Variants in RBFOX3 observed in about 807,000 individuals in gnomAD.
The protein encoded by RBFOX3 is RNA binding protein fox-1 homolog 3.
A neutral mutation model predicts 48.7 loss-of-function variants in RBFOX3; 17 were observed. That is an observed-to-expected ratio of 0.35 (90% CI 0.24 to 0.52). The LOEUF is 0.52. RBFOX3 is among the 20% of genes least tolerant of loss of function. The pLI, the probability that RBFOX3 is intolerant of heterozygous loss-of-function variation, is 0.94. For synonymous variants in RBFOX3, 212 were observed against 209.5 expected (o/e 1.01, Z -0.10); for missense variants, 382 against 497.5 (o/e 0.77, Z 2.21).
chr17:79,116,889 A>T (rs1303890967), intron 4 of RBFOX3, among the ~76,000 whole-genome samples: 1 of 152,254 alleles, frequency 6.6e-6, no homozygotes, highest in Non-Finnish European at 1.5e-5. Context: ...CATCAGCAGC[A>T]CCTGGGAGCT....
intron 4 of RBFOX3, among the ~76,000 whole-genome samples, chr17:79,179,698 T>G (rs2051435340): frequency 6.6e-6 from 1 of 152,224 alleles, no homozygotes; most frequent in South Asian, 2.1e-4. Flanking sequence ...GCTTGGGGTT[T>G]TTTCCTCCTA....
intron 1 of RBFOX3, among the ~76,000 whole-genome samples, chr17:79,530,394 C>T (rs2087544170): frequency 6.6e-6 from 1 of 152,182 alleles, no homozygotes; most frequent in Non-Finnish European, 1.5e-5. Context: ...GCGTTCTTGC[C>T]CAAATCTGCC....
intron 1 of RBFOX3, among the ~76,000 whole-genome samples, chr17:79,557,805 C>T (rs2091893509): frequency 6.6e-6 from 1 of 152,274 alleles, no homozygotes; most frequent in African/African-American, 2.4e-5. Flanking sequence ...CACTGCAAGG[C>T]CCCAGTTTTG....
At chr17:79,631,550 G>C in the RBFOX3 span, among the ~76,000 whole-genome samples, 37 of 152,280 alleles carry the variant, frequency 2.4e-4, no homozygotes, top group Non-Finnish European at 4.7e-4. Context: ...GGACCGGCCA[G>C]GGCTGACCAC....
At chr17:79,619,922 TAAC>T in the RBFOX3 span, among the ~76,000 whole-genome samples, 2 of 152,204 alleles carry the variant, frequency 1.3e-5, no homozygotes, top group African/African-American at 2.4e-5. Flanking sequence ...TAACGAAAAA[TAAC>T]AAAAACAGCA....
At chr17:79,283,861 C>T (rs1208626854) in intron 3 of RBFOX3, among the ~76,000 whole-genome samples, 3 of 152,178 alleles carry the variant, frequency 2.0e-5, no homozygotes, top group Non-Finnish European at 4.4e-5. Flanking sequence ...TTTGAGACAT[C>T]GTATCATTTG....
intron 1 of RBFOX3, among the ~76,000 whole-genome samples, chr17:79,561,430 C>G (rs1428298543): frequency 1.3e-5 from 2 of 152,106 alleles, no homozygotes; most frequent in African/African-American, 4.8e-5. Context: ...TAAGGGTGAG[C>G]AGAGACCACC....
chr17:79,600,452 A>C (rs2093680699), intron 1 of RBFOX3: 1 of 152,248 alleles, frequency 6.6e-6, no homozygotes, highest in African/African-American at 2.4e-5. Flanking sequence ...GTGGGGGTCC[A>C]CTATCCTGAC....
At chr17:79,329,566 TCTC>T (rs1237554814) in intron 2 of RBFOX3, among the ~76,000 whole-genome samples, 2 of 152,084 alleles carry the variant, frequency 1.3e-5, no homozygotes. Context: ...CACCGTGCCC[TCTC>T]CTCCTTCCCT....
At chr17:79,177,061 G>A (rs921031869) in intron 4 of RBFOX3, among the ~76,000 whole-genome samples, 1 of 152,070 alleles carries the variant, frequency 6.6e-6, no homozygotes, top group Non-Finnish European at 1.5e-5. Flanking sequence ...ACACCACCAG[G>A]AGCTCCGGAC....
chr17:79,592,416 G>A (rs1303249567), intron 1 of RBFOX3, among the ~76,000 whole-genome samples: 3 of 151,788 alleles, frequency 2.0e-5, no homozygotes, highest in East Asian at 3.9e-4. Flanking sequence ...ATGGGCACAC[G>A]TGTGCATGTG....
intron 13 of RBFOX3, 30 bp from the exon 14 acceptor site, chr17:79,094,559 AGGAGGGTGGG>A: frequency 3.7e-5 from 1 of 26,852 alleles, no homozygotes; most frequent in Non-Finnish European, 7.3e-5. Flanking sequence ...GGGGAGTGGG[AGGAGGGTGGG>A]GGAGGGGGGC....
At chr17:79,600,573 C>T (rs1444010895) in intron 1 of RBFOX3, 5 of 152,188 alleles carry the variant, frequency 3.3e-5, no homozygotes, top group Admixed American at 1.3e-4. Context: ...GCACATGCCC[C>T]ATTTGTGAGG....
chr17:79,607,272 A>T (rs1470227750), intron 1 of RBFOX3, among the ~76,000 whole-genome samples: 1 of 152,060 alleles, frequency 6.6e-6, no homozygotes, highest in Non-Finnish European at 1.5e-5. Context: ...TTTAAAAATA[A>T]AAAATTCCTC....
the RBFOX3 span, among the ~76,000 whole-genome samples, chr17:79,649,623 T>C: frequency 6.6e-6 from 1 of 152,178 alleles, no homozygotes; most frequent in Non-Finnish European, 1.5e-5. Flanking sequence ...GGAGAATCAC[T>C]TGAACCTGGG....
At position 79,477,362 on chromosome 17, in the gene RBFOX3, C is replaced by T. The variant is rs1470975976; in HGVS notation, c.-175+5092G>A. On this transcript the variant is annotated intron_variant, in intron 2 of 14. Coordinates refer to ENST00000693108, the MANE Select transcript of RBFOX3 (RefSeq NM_001350451.2). This position sits in a 1 kb window ranked among gnomAD's most constrained non-coding sequence, Gnocchi z 4.8. ...ACGAGGTCAGGAGATCGAGATCATC[C>T]TGGCTAACACGGTGAAACCCCGTCT... 2.6e-5 allele frequency among the ~76,000 whole-genome samples: 4 copies of T among 151,386 alleles called. No individual in the cohort carries two copies. Among genetic ancestry groups the T allele is most frequent in the Middle Eastern group, 3.4e-3 (1 of 290 alleles).
intron 2 of RBFOX3, among the ~76,000 whole-genome samples, chr17:79,427,291 C>G (rs1414717930): frequency 6.6e-6 from 1 of 152,234 alleles, no homozygotes; most frequent in Admixed American, 6.5e-5. Flanking sequence ...GGACCCTGCT[C>G]TAGGGAATGG....
intron 2 of RBFOX3, among the ~76,000 whole-genome samples, chr17:79,397,908 T>C (rs1270792277): frequency 6.6e-6 from 1 of 152,180 alleles, no homozygotes; most frequent in Non-Finnish European, 1.5e-5. Context: ...AGATGGATTT[T>C]CCGTCCTGGA....
chr17:79,509,127 C>T (rs1417626029), intron 1 of RBFOX3, among the ~76,000 whole-genome samples: 2 of 151,894 alleles, frequency 1.3e-5, no homozygotes, highest in East Asian at 2.0e-4. Flanking sequence ...CCCAGGGCCC[C>T]GGCCCTGGGG....
Sources: allele counts gnomAD v4.1 joint callset (sites outside exome capture counted in the v4.1 genomes callset), GRCh38; gene constraint gnomAD v4.1.1; non-coding constraint Gnocchi (gnomAD v3.1); transcripts MANE v1.5; gene names NCBI Gene and HGNC (gene_info 2026-07-23, HGNC 2026-07-21).